The following CLTCL1 variants were observed in gnomAD, a reference collection of about 807,000 sequenced individuals.
CLTCL1 encodes the protein clathrin heavy chain like 1, also known as clathrin heavy chain 2.
A neutral mutation model predicts 190.0 loss-of-function variants in CLTCL1; 159 were observed. The observed-to-expected ratio is 0.84, with a 90% confidence interval of 0.74 to 0.95. CLTCL1 has a LOEUF of 0.95. Among genes scored for constraint, CLTCL1 ranks in the 40% least tolerant of loss-of-function variants. CLTCL1 has a pLI of 0.00. For synonymous variants in CLTCL1, 752 were observed against 769.6 expected (o/e 0.98, Z 0.38); for missense variants, 1,878 against 2,033.4 (o/e 0.92, Z 1.47).
chr22:19,274,346 G>A (rs367849951), intron 2 of CLTCL1, among the ~76,000 whole-genome samples: 10 of 152,230 alleles, frequency 6.6e-5, no homozygotes, highest in African/African-American at 1.7e-4. Flanking sequence ...AGAAAAGGGC[G>A]ACACTGCAAG....
At chr22:19,201,699 G>A (rs1456321956) in intron 22 of CLTCL1, among the ~76,000 whole-genome samples, 4 of 152,096 alleles carry the variant, frequency 2.6e-5, no homozygotes, top group South Asian at 2.1e-4. Context: ...GCTTCTACCT[G>A]CCCGCTCCTA....
rs543276150 is a variant in CLTCL1 at position 19,238,025 on chromosome 22, G to A, written c.795+1250C>T. Among the ~76,000 whole-genome samples, 385 of 151,918 alleles carry A rather than the reference G, an allele frequency of 2.5e-3. 5 individuals are homozygous for A. Among genetic ancestry groups the A allele is most frequent in the Middle Eastern group, 0.014 (4 of 294 alleles). On this transcript the variant is annotated intron_variant, in intron 5 of 32. Transcript: ENST00000427926. ...TGTGATGCCAATTTTGTTCAGAAAA[G>A]GTATAGATCTAAATTTTTTATAAAA...
At chr22:19,258,425 C>T (rs1337587351) in intron 2 of CLTCL1, 2 of 407,716 alleles carry the variant, frequency 4.9e-6, no homozygotes, top group South Asian at 2.1e-5. Context: ...GATGTCCAGT[C>T]CAGTCCTTGG....
rs66494838 is a variant in CLTCL1 at position 19,211,766 on chromosome 22, CA to C, written c.3066-1258del. On this transcript the variant is annotated intron_variant, in intron 19 of 32. Transcript: ENST00000427926. ...TGGGCGACAGAGCAAGATTGCATCT[CA>C]AAAAAAAAAAAAAAAACAAAAACAA... Among the ~76,000 whole-genome samples, 76 of 42,712 alleles carry C rather than the reference CA, an allele frequency of 1.8e-3. No homozygotes were observed. The Middle Eastern group carries it at 0.058, about 32-fold the overall frequency. 28.0% of individuals were successfully genotyped at this position (42,712 alleles called of 152,430 possible). A position where few individuals can be genotyped will look rare whatever the true frequency, so the allele number is the denominator to read the frequency against.
chr22:19,239,190 C>T, intron 5 of CLTCL1, 85 bp downstream of exon 5: 2 of 1,063,654 alleles, frequency 1.9e-6, no homozygotes, highest in South Asian at 1.3e-5. Flanking sequence ...CAGAAGCAGA[C>T]TAAAAATGGC....
rs1555937263 is a variant in CLTCL1, at chr22:19,198,658, G to A, written c.3873+1076C>T. Among the ~76,000 whole-genome samples the A allele has an allele frequency of 1.3e-5, 2 of 152,164 alleles. No individual in the cohort carries two copies. Among genetic ancestry groups the A allele is most frequent in the Admixed American group, 6.5e-5 (1 of 15,284 alleles). On this transcript the variant is annotated intron_variant, in intron 24 of 32. Transcript: ENST00000427926. The surrounding 1 kb of genome is among the most constrained non-coding windows in gnomAD (Gnocchi z 4.1). The stretch of plus-strand genomic sequence containing the variant: ...CCCCTCAATTGCTGCTACCTTGACC[G>A]CCCCTTTATGAAACTCCATCCAGGC...
chr22:19,204,535 G>T (rs535760792), intron 22 of CLTCL1, among the ~76,000 whole-genome samples: 1 of 152,250 alleles, frequency 6.6e-6, no homozygotes, highest in Admixed American at 6.5e-5. Context: ...GTATTTTTAA[G>T]AATCTTATGA....
intron 1 of CLTCL1, among the ~76,000 whole-genome samples, chr22:19,278,383 A>G (rs1024381536): frequency 1.3e-4 from 20 of 152,190 alleles, no homozygotes; most frequent in South Asian, 6.2e-4. Flanking sequence ...GAGACCGTGA[A>G]AAGTGAGAGA....
At chr22:19,276,077 G>C (rs1050844658) in intron 1 of CLTCL1, among the ~76,000 whole-genome samples, 1 of 152,222 alleles carries the variant, frequency 6.6e-6, no homozygotes, top group Admixed American at 6.5e-5. Context: ...ACTAGGCAGT[G>C]TCAAGGACGC....
At chr22:19,185,822 C>T (rs1440389980) in intron 29 of CLTCL1, among the ~76,000 whole-genome samples, 1 of 152,228 alleles carries the variant, frequency 6.6e-6, no homozygotes, top group Non-Finnish European at 1.5e-5. Context: ...GACAGAATGG[C>T]TGTGATCAGC....
At chr22:19,270,456 G>A (rs1044232828) in intron 2 of CLTCL1, among the ~76,000 whole-genome samples, 12 of 151,246 alleles carry the variant, frequency 7.9e-5, no homozygotes, top group South Asian at 2.1e-4. Context: ...GGTCGGGCAC[G>A]GTGGCTCATG....
intron 2 of CLTCL1, among the ~76,000 whole-genome samples, chr22:19,275,257 G>C (rs1414976351): frequency 6.6e-6 from 1 of 152,108 alleles, no homozygotes; most frequent in African/African-American, 2.4e-5. Flanking sequence ...GAAAACCCCC[G>C]AGCCTGTGTC....
chr22:19,210,392 G>A lies in CLTCL1; in HGVS notation c.3183C>T (p.Ser1061=). 6.2e-7 allele frequency: 1 copy of A among 1,614,018 alleles called. No homozygotes were observed. Among genetic ancestry groups the A allele is most frequent in the East Asian group, 2.2e-5 (1 of 44,872 alleles). ...TGAAGGCCTCCTCATACAGTGCGCTGCTGACAGCGATGCTCGCGATGTCCA... is the reference window on the plus strand; with the variant it reads ...TGAAGGCCTCCTCATACAGTGCGCTACTGACAGCGATGCTCGCGATGTCCA... ...DALDIASIAV[S]SALYEEAFTV... Residue 1061 remains serine (S), a synonymous_variant, in exon 20 of 33, where the codon AGC becomes AGT. Transcript: ENST00000427926.
At chr22:19,219,619 G>A (rs2085504258) in intron 18 of CLTCL1, among the ~76,000 whole-genome samples, 1 of 152,066 alleles carries the variant, frequency 6.6e-6, no homozygotes, top group South Asian at 2.1e-4. Context: ...AAGTAGCTGG[G>A]ATTACAGGCG....
intron 1 of CLTCL1, among the ~76,000 whole-genome samples, chr22:19,281,728 C>T (rs1324280489): frequency 3.9e-5 from 6 of 152,044 alleles, no homozygotes; most frequent in Non-Finnish European, 5.9e-5. Flanking sequence ...GTTTGGGGAT[C>T]GATGTTGGGT....
At chr22:19,194,340 G>A (rs1433812140) in intron 26 of CLTCL1, among the ~76,000 whole-genome samples, 2 of 152,096 alleles carry the variant, frequency 1.3e-5, no homozygotes, top group African/African-American at 4.8e-5. Context: ...AAATGAGCCG[G>A]GCGTGGTGGC....
chr22:19,193,466 C>T (rs887919686), intron 26 of CLTCL1, among the ~76,000 whole-genome samples: 1 of 152,110 alleles, frequency 6.6e-6, no homozygotes, highest in Admixed American at 6.5e-5. Flanking sequence ...TGGGGTGAGT[C>T]CACTAGCCAC....
At chr22:19,220,096 C>T (rs2085521183) in intron 17 of CLTCL1, 89 bp from the exon 18 acceptor site, 1 of 1,541,608 alleles carries the variant, frequency 6.5e-7, no homozygotes, top group Admixed American at 1.7e-5. Flanking sequence ...CCCTGTGTGC[C>T]TGATACTGGT....
Position 19,221,241 on chromosome 22 carries a change from A to C in CLTCL1, c.2796+136T>G, listed in dbSNP as rs1013395983. ...GAGCAAGTTCCCAAAAGCTGTGAGA[A>C]TCACAAGGAAATAATCTCATGACCT... is the stretch of plus-strand genomic sequence containing the variant. On this transcript the variant is annotated intron_variant, in intron 17 of 32. Transcript: ENST00000427926. The C allele has an allele frequency of 1.6e-4, 112 of 683,240 alleles. No homozygotes were observed. The African/African-American group carries it at 2.0e-3, about 12-fold the overall frequency. The allele number at this position is 683,240 out of a possible 1,614,324, so 42.3% of individuals were successfully genotyped here.
Sources: gnomAD v4.1 joint callset for allele counts (sites outside exome capture counted in the v4.1 genomes callset) on GRCh38, gnomAD v4.1.1 for gene constraint, Gnocchi (gnomAD v3.1) non-coding constraint, MANE v1.5 for transcripts, NCBI Gene and HGNC (gene_info 2026-07-23, HGNC 2026-07-21) for gene names.